CALN1: variants seen among roughly 807,000 people sequenced by gnomAD.
CALN1 encodes calcium-binding protein 8.
CALN1 carries 17 observed loss-of-function variants against 30.6 expected under a neutral mutation model. The observed-to-expected ratio is 0.56, with a 90% CI of 0.38 to 0.83. The LOEUF (loss-of-function observed/expected upper bound fraction) is 0.83, where lower values mean the gene tolerates loss of function less well. Among genes scored for constraint, CALN1 ranks in the 40% least tolerant of loss-of-function variants. The pLI is 0.00. For missense variants in CALN1, 291 were observed against 354.9 expected (o/e 0.82, Z 1.45); for synonymous variants, 156 against 131.4 (o/e 1.19, Z -1.28).
At chr7:72,103,669 A>C (rs138972174) in intron 4 of CALN1, among the ~76,000 whole-genome samples, 1 of 152,222 alleles carries the variant, frequency 6.6e-6, no homozygotes, top group Non-Finnish European at 1.5e-5. Context: ...GGATTCTACT[A>C]AGAAGGGCGT....
At chr7:71,921,560 A>T (rs1403395535) in intron 5 of CALN1, among the ~76,000 whole-genome samples, 1 of 152,194 alleles carries the variant, frequency 6.6e-6, no homozygotes, top group Non-Finnish European at 1.5e-5. Context: ...TACATATATT[A>T]TCAGGATGGA....
At position 72,341,115 on chromosome 7, in the gene CALN1, A is replaced by G. The variant is rs78314263; in HGVS notation, c.119+62136T>C. Among the ~76,000 whole-genome samples the G allele has an allele frequency of 2.3e-3, 345 of 152,304 alleles. 1 individual carries two copies. Among genetic ancestry groups the G allele is most frequent in the African/African-American group, 7.0e-3 (289 of 41,570 alleles). Reference sequence around the variant, plus strand: ...GATGAACAGAGTTGACAGGATCTCCATAAGATCTTTCCCTTTGATCCCTTA... The same window carrying G: ...GATGAACAGAGTTGACAGGATCTCCGTAAGATCTTTCCCTTTGATCCCTTA... On this transcript the variant is annotated intron_variant, in intron 2 of 6. Coordinates refer to ENST00000395275, the MANE Select transcript of CALN1 (RefSeq NM_031468.4).
chr7:72,019,694 A>G (rs1201591229), intron 5 of CALN1, among the ~76,000 whole-genome samples: 1 of 152,186 alleles, frequency 6.6e-6, no homozygotes, highest in Non-Finnish European at 1.5e-5. Flanking sequence ...GTCAAGCCCA[A>G]GGCTGGTCAC....
chr7:72,499,850 T>C, the CALN1 span, among the ~76,000 whole-genome samples: 561 of 31,692 alleles, frequency 0.018, 25 homozygotes, highest in African/African-American at 0.05. Flanking sequence ...TCTTTCTTTC[T>C]TTCTTTCTTT....
chr7:72,310,855 A>C (rs1248403212), intron 2 of CALN1, among the ~76,000 whole-genome samples: 2 of 149,504 alleles, frequency 1.3e-5, no homozygotes, highest in African/African-American at 4.9e-5. Flanking sequence ...GTGAGCCGAG[A>C]TCACGCCACT....
At chr7:72,335,969 G>A (rs907327106) in intron 2 of CALN1, among the ~76,000 whole-genome samples, 2 of 152,190 alleles carry the variant, frequency 1.3e-5, no homozygotes, top group South Asian at 2.1e-4. Flanking sequence ...GAGAAACTAG[G>A]AACCCGAGTA....
intron 3 of CALN1, among the ~76,000 whole-genome samples, chr7:72,199,717 C>T (rs967348051): frequency 1.3e-5 from 2 of 152,188 alleles, no homozygotes; most frequent in East Asian, 1.9e-4. Flanking sequence ...CGTAGTGGTG[C>T]AAACCTGTAG....
At chr7:72,501,376 A>C in the CALN1 span, among the ~76,000 whole-genome samples, 4 of 101,964 alleles carry the variant, frequency 3.9e-5, no homozygotes, top group Non-Finnish European at 7.0e-5. Context: ...CTATTAAAAA[A>C]AAAAAAAAAA....
chr7:72,364,882 A>G (rs1298668577), intron 2 of CALN1, among the ~76,000 whole-genome samples: 1 of 151,682 alleles, frequency 6.6e-6, no homozygotes, highest in Non-Finnish European at 1.5e-5. Flanking sequence ...TAAAAACACA[A>G]AAATTAGCCG....
chr7:71,919,532 G>A (rs965108875), intron 5 of CALN1, among the ~76,000 whole-genome samples: 14 of 152,148 alleles, frequency 9.2e-5, no homozygotes, highest in Non-Finnish European at 1.2e-4. Context: ...CTGAGTTGGC[G>A]GGAAGTAAAG....
intron 3 of CALN1, among the ~76,000 whole-genome samples, chr7:72,265,978 A>AAAAAC (rs1796569950): frequency 6.6e-6 from 1 of 152,032 alleles, no homozygotes; most frequent in Non-Finnish European, 1.5e-5. Flanking sequence ...TCCAAAAATA[A>AAAAAC]AAAACAAAAC....
At chr7:72,162,498 C>T (rs182358275) in intron 3 of CALN1, among the ~76,000 whole-genome samples, 3 of 151,882 alleles carry the variant, frequency 2.0e-5, no homozygotes, top group South Asian at 2.1e-4. Flanking sequence ...CTTTGGGAGA[C>T]CAAGGTGGGC....
chr7:71,809,105 G>T (rs570810573), intron 6 of CALN1, among the ~76,000 whole-genome samples: 2 of 152,252 alleles, frequency 1.3e-5, no homozygotes, highest in Admixed American at 1.3e-4. Flanking sequence ...GTTTTGCAGT[G>T]TTTAAATTTG....
chr7:72,425,013 C>G (rs1218480819), intron 1 of CALN1, among the ~76,000 whole-genome samples: 2 of 152,136 alleles, frequency 1.3e-5, no homozygotes, highest in Non-Finnish European at 2.9e-5. Flanking sequence ...TACAATCAAT[C>G]CACAGGCTCT....
chr7:72,456,576 G>A, the CALN1 span, among the ~76,000 whole-genome samples: 1 of 151,800 alleles, frequency 6.6e-6, no homozygotes, highest in East Asian at 1.9e-4. Context: ...CCTCAGCCAG[G>A]CATGGTGGCT....
the CALN1 span, among the ~76,000 whole-genome samples, chr7:72,501,139 A>G: frequency 6.6e-6 from 1 of 152,092 alleles, no homozygotes; most frequent in African/African-American, 2.4e-5. Context: ...GGGTAGAAAG[A>G]CACCAGGATT....
chr7:72,096,952 A>G (rs1207659025), intron 4 of CALN1, among the ~76,000 whole-genome samples: 1 of 152,238 alleles, frequency 6.6e-6, no homozygotes, highest in Non-Finnish European at 1.5e-5. Flanking sequence ...CATGTGGCAC[A>G]CATACACCAC....
At chr7:71,929,191 G>A (rs1486131628) in intron 5 of CALN1, among the ~76,000 whole-genome samples, 1 of 152,056 alleles carries the variant, frequency 6.6e-6, no homozygotes, top group Non-Finnish European at 1.5e-5. Context: ...AGTTAAACAC[G>A]TGCCATGGTG....
intron 4 of CALN1, among the ~76,000 whole-genome samples, chr7:72,028,416 A>G (rs1801230550): frequency 6.6e-6 from 1 of 152,120 alleles, no homozygotes. Flanking sequence ...GGAACTACAG[A>G]CCAAAAGCTG....
Sources: allele counts gnomAD v4.1 joint callset (sites outside exome capture counted in the v4.1 genomes callset), GRCh38; gene constraint gnomAD v4.1.1; transcripts MANE v1.5; gene names NCBI Gene and HGNC (gene_info 2026-07-23, HGNC 2026-07-21).